ZNG1C: variants seen among roughly 807,000 people sequenced by gnomAD.
ZNG1C encodes zinc-regulated GTPase metalloprotein activator 1C.
At chr9:68,281,243 A>C in the ZNG1C span, among the ~76,000 whole-genome samples, 471 of 152,040 alleles carry the variant, frequency 3.1e-3, no homozygotes, top group South Asian at 0.072. Flanking sequence ...GTCTGGCACT[A>C]CCTAGTGAGA....
the ZNG1C span, among the ~76,000 whole-genome samples, chr9:68,294,163 G>C: frequency 6.9e-6 from 1 of 145,376 alleles, no homozygotes; most frequent in South Asian, 2.3e-4. Context: ...TCAACCTCTG[G>C]GATACAGCAA....
the ZNG1C span, among the ~76,000 whole-genome samples, chr9:68,266,731 T>C: frequency 6.8e-6 from 1 of 148,032 alleles, no homozygotes; most frequent in Admixed American, 6.7e-5. Flanking sequence ...TTTTTTAATT[T>C]ATTCTATAGA....
the ZNG1C span, among the ~76,000 whole-genome samples, chr9:68,264,855 A>ATATGTG: frequency 4.2e-5 from 3 of 72,246 alleles, no homozygotes; most frequent in South Asian, 6.2e-4. Flanking sequence ...ATATATATAT[A>ATATGTG]TGTATAATAA....
At chr9:68,296,556 T>C in the ZNG1C span, among the ~76,000 whole-genome samples, 19,542 of 136,604 alleles carry the variant, frequency 0.14, 3 homozygotes, top group East Asian at 0.26. Context: ...TCTTTTTGTA[T>C]TTTCTGCTGT....
At chr9:68,281,323 G>T in the ZNG1C span, among the ~76,000 whole-genome samples, 3 of 152,094 alleles carry the variant, frequency 2.0e-5, no homozygotes, top group Admixed American at 6.5e-5. Context: ...GGGAGCTGTA[G>T]ACCGGAGCTG....
chr9:68,294,001 G>A, the ZNG1C span, among the ~76,000 whole-genome samples: 1 of 150,532 alleles, frequency 6.6e-6, no homozygotes, highest in South Asian at 2.1e-4. Context: ...AGACCACAGT[G>A]GAATAAAACT....
chr9:68,299,291 A>C, the ZNG1C span: 1 of 1,275,164 alleles, frequency 7.8e-7, no homozygotes, highest in Non-Finnish European at 1.1e-6. Flanking sequence ...ATTTTAGAAA[A>C]GTGGTTAATC....
chr9:68,288,647 ATTTT>A, the ZNG1C span, among the ~76,000 whole-genome samples: 5,562 of 57,170 alleles, frequency 0.097, 28 homozygotes, highest in Middle Eastern at 0.16. Flanking sequence ...TAATTTTTGT[ATTTT>A]TTTTTTTTTT....
chr9:68,274,414 T>A, the ZNG1C span: 1 of 185,286 alleles, frequency 5.4e-6, no homozygotes, highest in Non-Finnish European at 1.1e-5. Flanking sequence ...ATCAGGGTCC[T>A]AGAGTAACTT....
At chr9:68,244,842 T>A in the ZNG1C span, among the ~76,000 whole-genome samples, 5 of 149,284 alleles carry the variant, frequency 3.3e-5, no homozygotes, top group African/African-American at 1.3e-4. Flanking sequence ...ATAAAAACTT[T>A]TATAGATTGT....
the ZNG1C span, chr9:68,299,248 G>T: frequency 6.5e-7 from 1 of 1,547,970 alleles, no homozygotes; most frequent in Non-Finnish European, 8.7e-7. Flanking sequence ...TACAACGTTC[G>T]TAAAAGCTTG....
chr9:68,291,820 C>T, the ZNG1C span, among the ~76,000 whole-genome samples: 1 of 151,336 alleles, frequency 6.6e-6, no homozygotes, highest in Admixed American at 6.6e-5. Flanking sequence ...CCTTTCCATA[C>T]TACCACAACT....
chr9:68,271,743 C>G, the ZNG1C span, among the ~76,000 whole-genome samples: 3 of 149,910 alleles, frequency 2.0e-5, no homozygotes, highest in African/African-American at 7.3e-5. Context: ...CACAAAGGGT[C>G]TTGAATGCCA....
At chr9:68,281,154 CT>C in the ZNG1C span, among the ~76,000 whole-genome samples, 120 of 151,086 alleles carry the variant, frequency 7.9e-4, no homozygotes, top group Non-Finnish European at 1.5e-3. Flanking sequence ...CCCTGACCCC[CT>C]GTGCTTCCCA....
At chr9:68,294,338 C>CA in the ZNG1C span, among the ~76,000 whole-genome samples, 8 of 87,526 alleles carry the variant, frequency 9.1e-5, no homozygotes, top group South Asian at 4.5e-4. Flanking sequence ...AACAAAACAA[C>CA]AAAAAAATCC....
the ZNG1C span, among the ~76,000 whole-genome samples, chr9:68,291,870 A>G: frequency 6.8e-6 from 1 of 147,594 alleles, no homozygotes; most frequent in East Asian, 2.0e-4. Context: ...CAGCAGGCCA[A>G]CCAGCACAAA....
At chr9:68,293,283 C>T in the ZNG1C span, among the ~76,000 whole-genome samples, 7 of 152,270 alleles carry the variant, frequency 4.6e-5, no homozygotes, top group Non-Finnish European at 7.3e-5. Context: ...ACCAAAAAAA[C>T]AAGGTATACA....
chr9:68,244,572 C>A, the ZNG1C span, among the ~76,000 whole-genome samples: 6 of 136,300 alleles, frequency 4.4e-5, no homozygotes, highest in Admixed American at 7.4e-5. Flanking sequence ...ACACTGGAAA[C>A]AAACCAAATG....
the ZNG1C span, among the ~76,000 whole-genome samples, chr9:68,290,192 C>CT: frequency 1.4e-5 from 2 of 143,222 alleles, no homozygotes; most frequent in African/African-American, 5.5e-5. Flanking sequence ...TTTTTAAAGC[C>CT]TTTTTTGTCT....
Sources: allele counts gnomAD v4.1 joint callset (sites outside exome capture counted in the v4.1 genomes callset), GRCh38; gene constraint gnomAD v4.1.1; transcripts MANE v1.5; gene names NCBI Gene and HGNC (gene_info 2026-07-23, HGNC 2026-07-21).